Variants in CFAP161 observed in about 807,000 individuals in gnomAD.
CFAP161 encodes the protein cilia and flagella associated protein 161.
In CFAP161, 25 loss-of-function variants were observed where a neutral mutation model predicts 29.0. That is an observed-to-expected ratio of 0.86 (90% confidence interval 0.63 to 1.20). The LOEUF is 1.20. CFAP161 is among the 50% of genes most tolerant of loss of function. The pLI is 0.00. For synonymous variants in CFAP161, 116 were observed against 137.4 expected (o/e 0.84, Z 1.09); for missense variants, 367 against 371.9 (o/e 0.99, Z 0.11).
At chr15:81,138,011 G>A (rs1376170600) in intron 3 of CFAP161, 40 bp from the exon 4 acceptor site, 1 of 1,438,178 alleles carries the variant, frequency 7.0e-7, no homozygotes, top group Non-Finnish European at 9.7e-7. Context: ...TTCTAATACA[G>A]AGAGTTTACA....
chr15:81,134,653 C>T (rs1422514860), intron 1 of CFAP161, among the ~76,000 whole-genome samples: 1 of 152,122 alleles, frequency 6.6e-6, no homozygotes, highest in Non-Finnish European at 1.5e-5. Flanking sequence ...AAGTCAGATG[C>T]CTTGACTCTC....
intron 1 of CFAP161, among the ~76,000 whole-genome samples, chr15:81,105,978 C>A (rs901944143): frequency 2.0e-5 from 3 of 152,162 alleles, no homozygotes; most frequent in African/African-American, 7.2e-5. Context: ...AACAAAAAGA[C>A]CCCTGTCTTT....
intron 1 of CFAP161, among the ~76,000 whole-genome samples, chr15:81,105,138 CCCCTCCCTCCCT>C (rs1231871114): frequency 3.9e-5 from 1 of 25,882 alleles, no homozygotes; most frequent in African/African-American, 1.7e-4. Flanking sequence ...TCTCCCCCCT[CCCCTCCCTCCCT>C]CCCTCCCTCC....
In CFAP161 at chr15:81,138,038, T is replaced by C; in HGVS notation, c.393-13T>C. Reference sequence around the variant, plus strand: ...GAGTTTACATTTACATTATACTTATTGTCCACTGACAGTGTACACAGAGAT... The same window carrying C: ...GAGTTTACATTTACATTATACTTATCGTCCACTGACAGTGTACACAGAGAT... On this transcript the variant is annotated splice_polypyrimidine_tract_variant and intron_variant, in intron 3 of 6. Transcript: ENST00000286732. 1 of 1,571,448 alleles carries C rather than the reference T, an allele frequency of 6.4e-7. No homozygotes were observed. The highest frequency in any genetic ancestry group is 8.8e-7 in the Non-Finnish European group (1 of 1,141,902).
At chr15:81,100,902 T>G (rs1894296701) in intron 1 of CFAP161, among the ~76,000 whole-genome samples, 1 of 152,170 alleles carries the variant, frequency 6.6e-6, no homozygotes, top group Non-Finnish European at 1.5e-5. Context: ...TGCTAGTAGC[T>G]CCTCTCATTT....
intron 5 of CFAP161, among the ~76,000 whole-genome samples, chr15:81,146,131 T>G (rs1895001731): frequency 1.3e-5 from 2 of 152,318 alleles, no homozygotes; most frequent in African/African-American, 4.8e-5. Context: ...TGACCCCTCA[T>G]GATCACAGAG....
chr15:81,136,205 A>G (rs192019050), intron 2 of CFAP161, among the ~76,000 whole-genome samples: 4 of 152,406 alleles, frequency 2.6e-5, no homozygotes. Context: ...AAAGAAATAA[A>G]TGAGTTAATA....
chr15:81,122,974 C>T (rs921667341), intron 1 of CFAP161, among the ~76,000 whole-genome samples: 6 of 151,862 alleles, frequency 4.0e-5, no homozygotes. Flanking sequence ...AAAATTTTTT[C>T]CCCATTCCAT....
At chr15:81,128,308 CT>C (rs1894666482) in intron 2 of CFAP161, among the ~76,000 whole-genome samples, 1 of 152,214 alleles carries the variant, frequency 6.6e-6, no homozygotes, top group Non-Finnish European at 1.5e-5. Context: ...AGAACTTCTT[CT>C]GAAATTGGAG....
rs80224042 is a variant in CFAP161, at chr15:81,135,262, C to T, written c.70-8C>T. ...ATTCAGGGCTACTTTTGTTGATTTT[C>T]TGTTTAGGAGCTCATGAAAGACTTC... is the stretch of plus-strand genomic sequence containing the variant. On this transcript the variant is annotated splice_polypyrimidine_tract_variant and splice_region_variant and intron_variant, in intron 1 of 6. Transcript: ENST00000286732. The T allele has an allele frequency of 6.4e-3, 10,085 of 1,565,194 alleles. 520 individuals carry two copies. The African/African-American group carries it at 0.11, about 18-fold the overall frequency.
rs777654516 is a variant in CFAP161, at chr15:81,135,296, G to A, written c.96G>A (p.Lys32=). The part of the protein sequence containing the change: ...EEELMKDFLE[K]RDKGKLLIQR... ...AGCTCATGAAAGACTTCTTAGAGAA[G>A]AGAGACAAGGGGAAACTTCTCATAC... Residue 32 remains lysine (K), a synonymous_variant, in exon 2 of 7, where the codon AAG becomes AAA. Coordinates refer to ENST00000286732, the MANE Select transcript of CFAP161 (RefSeq NM_173528.4). 2 of 1,602,280 alleles carry A rather than the reference G, an allele frequency of 1.2e-6. No individual in the cohort carries two copies. The highest frequency in any genetic ancestry group is 1.1e-5 in the South Asian group (1 of 88,184).
At chr15:81,138,333 A>G (rs985880993) in intron 4 of CFAP161, among the ~76,000 whole-genome samples, 198 bp downstream of exon 4, 1 of 152,260 alleles carries the variant, frequency 6.6e-6, no homozygotes, top group African/African-American at 2.4e-5. Context: ...CCAAATTACA[A>G]AAACTACACC....
intron 1 of CFAP161, among the ~76,000 whole-genome samples, chr15:81,102,403 C>T (rs1319054711): frequency 2.6e-5 from 4 of 152,130 alleles, no homozygotes; most frequent in Non-Finnish European, 5.9e-5. Flanking sequence ...TGCTGTGGCT[C>T]ACACCTATAA....
intron 4 of CFAP161, 73 bp from the exon 5 acceptor site, chr15:81,143,589 A>T (rs1894951336): frequency 1.3e-6 from 2 of 1,483,880 alleles, no homozygotes; most frequent in Non-Finnish European, 9.2e-7. Context: ...CCGTCCAGCC[A>T]GTCAATTGCT....
chr15:81,108,528 C>T (rs1894402779), intron 1 of CFAP161, among the ~76,000 whole-genome samples: 1 of 152,092 alleles, frequency 6.6e-6, no homozygotes, highest in Admixed American at 6.5e-5. Context: ...TTTGGACCCA[C>T]TCTGGGCTTT....
At chr15:81,144,008 GTC>G (rs572136512) in intron 5 of CFAP161, among the ~76,000 whole-genome samples, 188 bp downstream of exon 5, 83 of 150,854 alleles carry the variant, frequency 5.5e-4, no homozygotes, top group South Asian at 1.3e-3. Context: ...TTTCTTTTCT[GTC>G]TCTTTTTTTC....
intron 1 of CFAP161, among the ~76,000 whole-genome samples, chr15:81,113,191 T>C (rs527862013): frequency 1.3e-5 from 2 of 152,202 alleles, no homozygotes; most frequent in Non-Finnish European, 2.9e-5. Flanking sequence ...TAAGATTCAT[T>C]TGGGGAGTCA....
chr15:81,142,987 A>G (rs1453331815), intron 4 of CFAP161, among the ~76,000 whole-genome samples: 1 of 152,178 alleles, frequency 6.6e-6, no homozygotes, highest in Non-Finnish European at 1.5e-5. Flanking sequence ...TCACGTGATG[A>G]GTTTAATGCA....
At position 81,138,147 on chromosome 15, in the gene CFAP161, C is replaced by G. The variant is rs1328931706; in HGVS notation, c.477+12C>G. The G allele has an allele frequency of 6.3e-7, 1 of 1,584,564 alleles. No homozygotes were observed. The highest frequency in any genetic ancestry group is 2.2e-5 in the East Asian group (1 of 44,732). On this transcript the variant is annotated intron_variant, in intron 4 of 6. Transcript: ENST00000286732. ...TTGACAACAAAATGGTGAGTTATCA[C>G]TTTGCATATCTACTTTGGATCAGTC...
Sources: gnomAD v4.1 joint callset for allele counts (sites outside exome capture counted in the v4.1 genomes callset) on GRCh38, gnomAD v4.1.1 for gene constraint, MANE v1.5 for transcripts, NCBI Gene and HGNC (gene_info 2026-07-23, HGNC 2026-07-21) for gene names.